GOSR2: variants seen among roughly 807,000 people sequenced by gnomAD.
The protein encoded by GOSR2 is 27 kDa Golgi SNARE protein.
A neutral mutation model predicts 27.9 loss-of-function variants in GOSR2; 20 were observed. That is an observed-to-expected ratio of 0.72 (90% CI 0.50 to 1.04). The LOEUF is 1.04. Ranked by LOEUF, GOSR2 falls within the 50% of genes least tolerant of loss-of-function variation. GOSR2 has a pLI of 0.00. For synonymous variants in GOSR2, 91 were observed against 98.8 expected, an observed-to-expected ratio of 0.92 and a Z score of 0.47; for missense variants, 261 against 270.5, an observed-to-expected ratio of 0.97 and a Z score of 0.25.
At chr17:46,969,479 C>T (rs538279691), downstream of GOSR2, among the ~76,000 whole-genome samples, 2 of 152,280 alleles carry the variant, frequency 1.3e-5, no homozygotes, top group South Asian at 2.1e-4. Context: ...GCACAGGACC[C>T]CAGCCCCACC....
At chr17:46,961,720 T>G (rs1352690279) in intron 6 of GOSR2, among the ~76,000 whole-genome samples, 1 of 152,088 alleles carries the variant, frequency 6.6e-6, no homozygotes, top group Non-Finnish European at 1.5e-5. Flanking sequence ...CATAGAAAAT[T>G]TGCAAGCAAT....
At position 46,939,818 on chromosome 17, in the gene GOSR2, A is replaced by G; in HGVS notation, c.*1058A>G. The G allele has an allele frequency of 2.0e-6, 2 of 987,462 alleles. No homozygotes were observed. The highest frequency in any genetic ancestry group is 2.4e-6 in the Non-Finnish European group (2 of 830,488). The allele number at this position is 987,462 out of a possible 1,614,324, so 61.2% of individuals were successfully genotyped here. The stretch of plus-strand genomic sequence containing the variant: ...CCCGGATTCAGGCTGTACTAATACC[A>G]GGTATATTGTGGAATTTAGTATAAA... On this transcript the variant is annotated 3_prime_UTR_variant, in exon 6 of 6. Coordinates refer to ENST00000640051, the MANE Select transcript of GOSR2 (RefSeq NM_004287.5).
chr17:46,942,012 T>C lies in GOSR2; in HGVS notation c.*3252T>C. ...AAGTCCAAAATAAATTCTTACTGTT[T>C]ATATCCTACCTTAGTCCAAAAAAGA... On this transcript the variant is annotated 3_prime_UTR_variant, in exon 6 of 6. Transcript: ENST00000640051. 1.1e-6 allele frequency: 1 copy of C among 945,068 alleles called. No homozygotes were observed. Among genetic ancestry groups the C allele is most frequent in the South Asian group, 4.9e-5 (1 of 20,486 alleles). The allele number at this position is 945,068 out of a possible 1,614,324, so 58.5% of individuals were successfully genotyped here.
chr17:46,950,686 C>G (rs12940071), intron 6 of GOSR2, among the ~76,000 whole-genome samples: 1 of 151,876 alleles, frequency 6.6e-6, no homozygotes, highest in Non-Finnish European at 1.5e-5. Context: ...CCTGCCTGCC[C>G]GGGGCCCTGC....
At chr17:46,961,805 G>A (rs1369669485) in intron 6 of GOSR2, among the ~76,000 whole-genome samples, 1 of 152,104 alleles carries the variant, frequency 6.6e-6, no homozygotes, top group Non-Finnish European at 1.5e-5. Context: ...CCAACAAAAT[G>A]TACACCCTTT....
exon 7 of GOSR2, chr17:46,966,856 G>GAA: frequency 2.4e-6 from 1 of 410,602 alleles, no homozygotes; most frequent in Non-Finnish European, 4.3e-6. Flanking sequence ...GGCATGTGAA[G>GAA]AGCCCTCTCT....
chr17:46,929,798 C>T (rs2087038734), intron 2 of GOSR2: 1 of 545,236 alleles, frequency 1.8e-6, no homozygotes, highest in South Asian at 2.0e-5. Context: ...ATTACCCCTC[C>T]ACTCAACCTG....
Position 46,941,467 on chromosome 17 carries a change from G to C in GOSR2, c.*2707G>C. 1 of 977,456 alleles carries C rather than the reference G, an allele frequency of 1.0e-6. No individual in the cohort carries two copies. The highest frequency in any genetic ancestry group is 1.2e-6 in the Non-Finnish European group (1 of 822,732). The allele number at this position is 977,456 out of a possible 1,614,324, so 60.5% of individuals were successfully genotyped here. A position where few individuals can be genotyped will look rare whatever the true frequency, so the allele number is the denominator to read the frequency against. On this transcript the variant is annotated 3_prime_UTR_variant, in exon 6 of 6. Coordinates refer to ENST00000640051, the MANE Select transcript of GOSR2 (RefSeq NM_004287.5). Reference sequence around the variant, plus strand: ...CTCAAACACTGCTCCATGGCCAGGGGCTGGGCTGGCTGCTTCAGAAGCAGT... The same window carrying C: ...CTCAAACACTGCTCCATGGCCAGGGCCTGGGCTGGCTGCTTCAGAAGCAGT...
intron 6 of GOSR2, among the ~76,000 whole-genome samples, chr17:46,962,286 G>A (rs1279192282): frequency 1.3e-5 from 2 of 150,184 alleles, no homozygotes; most frequent in African/African-American, 4.9e-5. Flanking sequence ...CCGAGATTGC[G>A]CCACTGCACT....
rs1259989432 is a variant in GOSR2, at chr17:46,935,182, CTGGGG to C, written c.477+14_477+18del. 1 of 1,613,520 alleles carries C rather than the reference CTGGGG, an allele frequency of 6.2e-7. No homozygotes were observed. The highest frequency in any genetic ancestry group is 1.1e-5 in the South Asian group (1 of 91,070). On this transcript the variant is annotated intron_variant, in intron 5 of 5. Transcript: ENST00000640051. ...ACTGACCTTGAAGGTGGGGTCCCTGCTGGGGGACAGAGAGAAGGCCTCTTGTTTTA... is the reference window on the plus strand; with the variant it reads ...ACTGACCTTGAAGGTGGGGTCCCTGCGACAGAGAGAAGGCCTCTTGTTTTA...
exon 7 of GOSR2, chr17:46,966,892 C>G: frequency 2.5e-6 from 1 of 398,866 alleles, no homozygotes. Flanking sequence ...TAATTAGCAC[C>G]TTAAAGGGAA....
Position 46,923,233 on chromosome 17 carries a change from T to C in GOSR2, c.29+12T>C. ...CAGCAAACGCACAAGTGAGGGCCGG[T>C]CGGGGAGCGGGCAGGGGCTAGACGA... On this transcript the variant is annotated intron_variant, in intron 1 of 5. Coordinates refer to ENST00000640051, the MANE Select transcript of GOSR2 (RefSeq NM_004287.5). 1 of 1,551,038 alleles carries C rather than the reference T, an allele frequency of 6.4e-7. No homozygotes were observed. Among genetic ancestry groups the C allele is most frequent in the Non-Finnish European group, 8.7e-7 (1 of 1,146,614 alleles).
chr17:46,926,466 T>C (rs933346965), intron 1 of GOSR2, among the ~76,000 whole-genome samples: 7 of 152,206 alleles, frequency 4.6e-5, no homozygotes, highest in Non-Finnish European at 1.0e-4. Flanking sequence ...TAAAGACGGC[T>C]ACAATGACCC....
At chr17:46,956,381 C>G (rs1160683896) in intron 6 of GOSR2, among the ~76,000 whole-genome samples, 2 of 147,402 alleles carry the variant, frequency 1.4e-5, no homozygotes, top group Admixed American at 1.4e-4. Flanking sequence ...ACCTCCACCT[C>G]CCGGGTTCAA....
intron 3 of GOSR2, 169 bp from the exon 4 acceptor site, chr17:46,931,898 G>A (rs2087448650): frequency 4.4e-6 from 3 of 679,410 alleles, no homozygotes; most frequent in Non-Finnish European, 7.9e-6. Flanking sequence ...GTTTCTTCTT[G>A]ACTTTCAACA....
rs2089190775 is a variant in GOSR2 at position 46,940,965 on chromosome 17, A to G, written c.*2205A>G. Reference sequence around the variant, plus strand: ...ACAGTGTGACTCTCTCCACCGCCTCAGTGTAGGGAAGGGTCCAGGCCAGGG... The same window carrying G: ...ACAGTGTGACTCTCTCCACCGCCTCGGTGTAGGGAAGGGTCCAGGCCAGGG... On this transcript the variant is annotated 3_prime_UTR_variant, in exon 6 of 6. Coordinates refer to ENST00000640051, the MANE Select transcript of GOSR2 (RefSeq NM_004287.5). The G allele has an allele frequency of 3.3e-6, 4 of 1,225,072 alleles. No homozygotes were observed. The highest frequency in any genetic ancestry group is 4.1e-6 in the Non-Finnish European group (4 of 966,880). The allele number at this position is 1,225,072 out of a possible 1,614,324, so 75.9% of individuals were successfully genotyped here.
chr17:46,968,904 G>A (rs2091363044), downstream of GOSR2: 1 of 152,334 alleles, frequency 6.6e-6, no homozygotes, highest in African/African-American at 2.4e-5. Context: ...CCCAAAAGCA[G>A]GACTTTTAAA....
Position 46,940,948 on chromosome 17 carries a change from A to G in GOSR2, c.*2188A>G, listed in dbSNP as rs2089186139. 3 of 1,250,728 alleles carry G rather than the reference A, an allele frequency of 2.4e-6. No individual in the cohort carries two copies. The highest frequency in any genetic ancestry group is 3.1e-5 in the African/African-American group (2 of 64,954). The allele number at this position is 1,250,728 out of a possible 1,614,324, so 77.5% of individuals were successfully genotyped here. ...AAATAGACCTTGGCCTAACAGTGTG[A>G]CTCTCTCCACCGCCTCAGTGTAGGG... On this transcript the variant is annotated 3_prime_UTR_variant, in exon 6 of 6. Coordinates refer to ENST00000640051, the MANE Select transcript of GOSR2 (RefSeq NM_004287.5).
rs2146913197 is a variant in GOSR2, at chr17:46,932,148, G to C, written c.285G>C (p.Glu95Asp). Residue 95 changes from glutamate (E) to aspartate (D), a missense_variant, in exon 4 of 6, where the codon GAG becomes GAC. Physicochemically the swap from Glu to Asp is conservative, Grantham distance 45. Coordinates refer to ENST00000640051, the MANE Select transcript of GOSR2 (RefSeq NM_004287.5). ...TCCAGCATCGGCGCCATGCAAGGGAGCAGCAGGAGAGACAGCGAGAAGAGC... is the reference window on the plus strand; with the variant it reads ...TCCAGCATCGGCGCCATGCAAGGGACCAGCAGGAGAGACAGCGAGAAGAGC... ...RNFQHRRHAR[E>D]QQERQREELL... is the part of the protein sequence containing the mutation. 3.1e-6 allele frequency: 5 copies of C among 1,614,156 alleles called. No homozygotes were observed. Among genetic ancestry groups the C allele is most frequent in the Non-Finnish European group, 4.2e-6 (5 of 1,180,010 alleles).
Sources: gnomAD v4.1 joint callset for allele counts (sites outside exome capture counted in the v4.1 genomes callset) on GRCh38, gnomAD v4.1.1 for gene constraint, MANE v1.5 for transcripts, NCBI Gene and HGNC (gene_info 2026-07-23, HGNC 2026-07-21) for gene names.